Variants in PYHIN1 observed in about 807,000 individuals in gnomAD.
The protein encoded by PYHIN1 is pyrin and HIN domain-containing protein 1.
A neutral mutation model predicts 43.7 loss-of-function variants in PYHIN1; 32 were observed. The ratio of observed to expected loss-of-function variants is 0.73; its 90% CI spans 0.55 to 0.98. The LOEUF (loss-of-function observed/expected upper bound fraction) is 0.98, where lower values mean the gene tolerates loss of function less well. Ranked by LOEUF, PYHIN1 falls within the 50% of genes least tolerant of loss-of-function variation. The pLI, the probability that PYHIN1 is intolerant of heterozygous loss-of-function variation, is 0.00. For missense variants in PYHIN1, 588 were observed against 589.5 expected, an observed-to-expected ratio of 1.00 and a Z score of 0.03; for synonymous variants, 205 against 203.1, an observed-to-expected ratio of 1.01 and a Z score of -0.08.
chr1:158,979,776 T>C (rs1557850208), downstream of PYHIN1, among the ~76,000 whole-genome samples: 1 of 152,156 alleles, frequency 6.6e-6, no homozygotes, highest in African/African-American at 2.4e-5. Flanking sequence ...TGCAGGTTTG[T>C]TACATCAATA....
chr1:158,967,239 T>G (rs1240851271), intron 7 of PYHIN1, among the ~76,000 whole-genome samples: 1 of 152,062 alleles, frequency 6.6e-6, no homozygotes, highest in Admixed American at 6.6e-5. Context: ...GTCTGTTTTG[T>G]ATATTGTGTC....
intron 7 of PYHIN1, among the ~76,000 whole-genome samples, chr1:158,947,923 A>T (rs916336235): frequency 2.0e-5 from 3 of 152,246 alleles, no homozygotes; most frequent in African/African-American, 4.8e-5. Flanking sequence ...CAAGGTAAGG[A>T]TTAGGCTGCT....
intron 1 of PYHIN1, among the ~76,000 whole-genome samples, chr1:158,934,144 A>T (rs1374829500): frequency 6.6e-6 from 1 of 152,172 alleles, no homozygotes; most frequent in African/African-American, 2.4e-5. Context: ...GGAGGTTTAT[A>T]AAGATTACTT....
At chr1:158,972,414 A>G (rs1376923988) in intron 7 of PYHIN1, among the ~76,000 whole-genome samples, 1 of 152,034 alleles carries the variant, frequency 6.6e-6, no homozygotes, top group African/African-American at 2.4e-5. Context: ...TAAGTATATA[A>G]TCAGAGATGC....
chr1:158,940,136 G>A (rs1408793992), intron 4 of PYHIN1: 1 of 152,238 alleles, frequency 6.6e-6, no homozygotes, highest in Non-Finnish European at 1.5e-5. Context: ...TGAGGCAGGG[G>A]AATTGCTTGA....
Position 158,943,786 on chromosome 1 carries a change from G to C in PYHIN1, c.1003-4G>C, listed in dbSNP as rs1434632644. 4 of 1,587,758 alleles carry C rather than the reference G, an allele frequency of 2.5e-6. No individual in the cohort carries two copies. Among genetic ancestry groups the C allele is most frequent in the South Asian group, 2.3e-5 (2 of 88,640 alleles). On this transcript the variant is annotated splice_polypyrimidine_tract_variant and splice_region_variant and intron_variant, in intron 5 of 8. Coordinates refer to ENST00000368140, the MANE Select transcript of PYHIN1 (RefSeq NM_152501.5). ...ACAAACATGATATTAATTTTTTGTTGCAGAAAATTGTAAATAGGAAGACGA... is the reference window on the plus strand; with the variant it reads ...ACAAACATGATATTAATTTTTTGTTCCAGAAAATTGTAAATAGGAAGACGA...
the PYHIN1 span, among the ~76,000 whole-genome samples, chr1:158,990,466 T>A: frequency 6.6e-6 from 1 of 152,010 alleles, no homozygotes; most frequent in African/African-American, 2.4e-5. Context: ...TGTGAGGTGG[T>A]TAAATCTCTC....
the PYHIN1 span, among the ~76,000 whole-genome samples, chr1:158,986,641 A>G: frequency 6.6e-6 from 1 of 152,134 alleles, no homozygotes; most frequent in Non-Finnish European, 1.5e-5. Context: ...AGATGGGGAC[A>G]CTCTGATCAA....
chr1:158,965,175 C>A (rs546921870), intron 7 of PYHIN1, among the ~76,000 whole-genome samples: 1 of 152,164 alleles, frequency 6.6e-6, no homozygotes, highest in Non-Finnish European at 1.5e-5. Context: ...GGCTTTCATT[C>A]AACAAGAAGA....
the PYHIN1 span, among the ~76,000 whole-genome samples, chr1:158,985,704 C>T: frequency 6.6e-6 from 1 of 152,152 alleles, no homozygotes; most frequent in Non-Finnish European, 1.5e-5. Flanking sequence ...ACCTCTCTAG[C>T]AAGGTCAGGT....
At chr1:158,939,402 G>T (rs1476171388) in intron 4 of PYHIN1, 155 bp downstream of exon 4, 2 of 1,568,738 alleles carry the variant, frequency 1.3e-6, no homozygotes, top group Non-Finnish European at 1.7e-6. Flanking sequence ...TGCTTCCACA[G>T]GCATATTTGA....
the PYHIN1 span, among the ~76,000 whole-genome samples, chr1:158,989,796 C>T: frequency 3.9e-5 from 6 of 152,194 alleles, no homozygotes; most frequent in East Asian, 1.2e-3. Context: ...TTACAGCAAC[C>T]CTTTAAAACT....
chr1:158,976,435 T>C (rs968900724), intron 8 of PYHIN1, among the ~76,000 whole-genome samples: 2 of 152,032 alleles, frequency 1.3e-5, no homozygotes, highest in Non-Finnish European at 2.9e-5. Context: ...CTCTATCTTA[T>C]TGTTCCCTGA....
chr1:158,980,334 AG>A (rs1011936267), downstream of PYHIN1, among the ~76,000 whole-genome samples: 2 of 152,186 alleles, frequency 1.3e-5, no homozygotes, highest in Non-Finnish European at 2.9e-5. Flanking sequence ...ATCTTGAAAA[AG>A]AACAGAATAG....
At chr1:158,948,917 C>T (rs1461500496) in intron 7 of PYHIN1, among the ~76,000 whole-genome samples, 1 of 152,174 alleles carries the variant, frequency 6.6e-6, no homozygotes, top group Non-Finnish European at 1.5e-5. Context: ...CCTGTCCCTG[C>T]ACCTGGGTCA....
chr1:158,953,046 G>T (rs572887285), intron 7 of PYHIN1, among the ~76,000 whole-genome samples: 4 of 152,192 alleles, frequency 2.6e-5, no homozygotes, highest in African/African-American at 7.2e-5. Flanking sequence ...TTTTCGGACC[G>T]GCTTAAAAAA....
intron 7 of PYHIN1, among the ~76,000 whole-genome samples, chr1:158,954,434 G>A (rs1240770694): frequency 2.0e-5 from 2 of 101,024 alleles, no homozygotes; most frequent in African/African-American, 3.6e-5. Context: ...AGAAGAGAGT[G>A]GGGGCCAATA....
chr1:158,966,259 A>G (rs573049451), intron 7 of PYHIN1, among the ~76,000 whole-genome samples: 3 of 152,152 alleles, frequency 2.0e-5, no homozygotes, highest in Non-Finnish European at 2.9e-5. Flanking sequence ...AAAGTAGCCC[A>G]TGACCAGATG....
At position 158,955,079 on chromosome 1, in the gene PYHIN1, C is replaced by A. The variant is rs1465439837; in HGVS notation, c.1359+10037C>A. On this transcript the variant is annotated intron_variant, in intron 7 of 8. Transcript: ENST00000368140. ...ATCCTAAATATATATGCACCCAATA[C>A]AGGAGCACCCAGATTCGTAAAGGAA... 2.0e-5 allele frequency among the ~76,000 whole-genome samples: 3 copies of A among 151,884 alleles called. No homozygotes were observed. In the East Asian group the frequency reaches 5.8e-4, roughly 29 times the overall value.
Sources: allele counts gnomAD v4.1 joint callset (sites outside exome capture counted in the v4.1 genomes callset), GRCh38; gene constraint gnomAD v4.1.1; transcripts MANE v1.5; gene names NCBI Gene and HGNC (gene_info 2026-07-23, HGNC 2026-07-21).